DNASE2B: variants seen among roughly 807,000 people sequenced by gnomAD.
DNASE2B encodes deoxyribonuclease 2 beta.
A neutral mutation model predicts 46.0 loss-of-function variants in DNASE2B; 43 were observed. The observed-to-expected ratio is 0.94, with a 90% CI of 0.73 to 1.21. The LOEUF is 1.21. Ranked by LOEUF, DNASE2B falls within the 50% of genes most tolerant of loss-of-function variation. DNASE2B has a pLI of 0.00. For missense variants in DNASE2B, 395 were observed against 414.4 expected, an observed-to-expected ratio of 0.95 and a Z score of 0.41; for synonymous variants, 156 against 152.5, an observed-to-expected ratio of 1.02 and a Z score of -0.17.
Position 84,408,431 on chromosome 1 carries a change from C to T in DNASE2B, c.304-6C>T, listed in dbSNP as rs187661721. 122 of 1,603,740 alleles carry T rather than the reference C, an allele frequency of 7.6e-5. No individual in the cohort carries two copies. The African/African-American group carries it at 1.4e-3, about 19-fold the overall frequency. On this transcript the variant is annotated splice_polypyrimidine_tract_variant and splice_region_variant and intron_variant, in intron 2 of 5. Coordinates refer to ENST00000370665, the MANE Select transcript of DNASE2B (RefSeq NM_021233.3). The stretch of plus-strand genomic sequence containing the variant: ...ACGCCATTATAACCCTAATATATTC[C>T]TGCAGAGTAACAACACAGCCTATCT...
At chr1:84,398,829 G>T (rs936296088) in intron 1 of DNASE2B, 140 bp downstream of exon 1, 1 of 1,312,896 alleles carries the variant, frequency 7.6e-7, no homozygotes, top group Admixed American at 2.7e-5. Flanking sequence ...TGTGCAAATC[G>T]GCCAAACTCC....
chr1:84,414,484 A>T, intron 5 of DNASE2B, 44 bp from the exon 6 acceptor site: 1 of 1,505,498 alleles, frequency 6.6e-7, no homozygotes, highest in South Asian at 1.3e-5. Context: ...GACTAATCTA[A>T]GTGTAAATAC....
At chr1:84,406,016 TCTAA>T (rs1680486348) in intron 2 of DNASE2B, among the ~76,000 whole-genome samples, 1 of 152,132 alleles carries the variant, frequency 6.6e-6, no homozygotes, top group African/African-American at 2.4e-5. Flanking sequence ...TCATAATGTA[TCTAA>T]CTTTTTCTTA....
intron 2 of DNASE2B, 157 bp from the exon 3 acceptor site, chr1:84,408,280 C>T (rs1346936010): frequency 1.1e-5 from 13 of 1,192,756 alleles, no homozygotes; most frequent in Non-Finnish European, 1.1e-5. Flanking sequence ...ATGTCACAGG[C>T]TTCATATTGA....
At chr1:84,407,195 C>T (rs1042238734) in intron 2 of DNASE2B, among the ~76,000 whole-genome samples, 2 of 152,104 alleles carry the variant, frequency 1.3e-5, no homozygotes, top group Non-Finnish European at 2.9e-5. Flanking sequence ...TCAGTTAGAA[C>T]AATAAACTTC....
intron 2 of DNASE2B, among the ~76,000 whole-genome samples, chr1:84,407,732 G>A (rs564464086): frequency 6.6e-6 from 1 of 151,902 alleles, no homozygotes; most frequent in East Asian, 1.9e-4. Context: ...CGAAATAATA[G>A]CTTTATTTTG....
At chr1:84,403,260 T>G (rs1024032982) in intron 2 of DNASE2B, among the ~76,000 whole-genome samples, 33 of 152,206 alleles carry the variant, frequency 2.2e-4, no homozygotes, top group African/African-American at 7.2e-4. Flanking sequence ...TCCTAAAAAT[T>G]TATCTACTAA....
At chr1:84,408,284 A>C in intron 2 of DNASE2B, 153 bp from the exon 3 acceptor site, 3 of 1,220,538 alleles carry the variant, frequency 2.5e-6, no homozygotes, top group Non-Finnish European at 3.2e-6. Context: ...CACAGGCTTC[A>C]TATTGATGGG....
At chr1:84,410,469 CAGTG>C (rs756415113) in intron 3 of DNASE2B, among the ~76,000 whole-genome samples, 53 of 152,336 alleles carry the variant, frequency 3.5e-4, no homozygotes, top group Middle Eastern at 3.4e-3. Flanking sequence ...AGCTGCTTAG[CAGTG>C]AAGACACTAT....
chr1:84,407,020 ACTC>A (rs1680503083), intron 2 of DNASE2B, among the ~76,000 whole-genome samples: 1 of 152,154 alleles, frequency 6.6e-6, no homozygotes, highest in Non-Finnish European at 1.5e-5. Context: ...CTTGTTCAAC[ACTC>A]AATAGTCAAA....
At chr1:84,411,307 G>A (rs75450182) in intron 4 of DNASE2B, among the ~76,000 whole-genome samples, 3,651 of 152,110 alleles carry the variant, frequency 0.024, 64 homozygotes, top group Non-Finnish European at 0.028. Flanking sequence ...TGATGAACTG[G>A]GGTGTTGACT....
chr1:84,404,919 C>T (rs1366156609), intron 2 of DNASE2B, among the ~76,000 whole-genome samples: 1 of 152,174 alleles, frequency 6.6e-6, no homozygotes, highest in African/African-American at 2.4e-5. Context: ...CCCTTCCTGC[C>T]TTAAATCCTG....
At chr1:84,408,393 A>T in intron 2 of DNASE2B, 44 bp from the exon 3 acceptor site, 1 of 1,566,578 alleles carries the variant, frequency 6.4e-7, no homozygotes, top group South Asian at 1.2e-5. Flanking sequence ...GGGCGTTTGT[A>T]AGTGGAAGAT....
intron 4 of DNASE2B, 97 bp downstream of exon 4, chr1:84,411,096 T>C (rs1680583774): frequency 1.5e-6 from 2 of 1,360,600 alleles, no homozygotes; most frequent in Admixed American, 4.3e-5. Flanking sequence ...GTTAATCTAT[T>C]CATAGACCCT....
At position 84,402,029 on chromosome 1, in the gene DNASE2B, G is replaced by T; in HGVS notation, c.254G>T (p.Ser85Ile). 1.9e-6 allele frequency: 3 copies of T among 1,610,596 alleles called. No individual in the cohort carries two copies. Among genetic ancestry groups the T allele is most frequent in the Non-Finnish European group, 2.5e-6 (3 of 1,178,644 alleles). Residue 85 changes from serine to isoleucine, a missense_variant, in exon 2 of 6, where the codon AGT becomes ATT. Physicochemically the swap from Ser to Ile is moderately radical, Grantham distance 142. Transcript: ENST00000370665. ...KSEQLMNDTK[S>I]VLGRTLQQLY... ...GAGCAACTAATGAATGACACCAAGA[G>T]TGTTTTGGGAAGGACATTACAACAG...
In DNASE2B at chr1:84,402,067, T is replaced by C. The variant is rs1351843617; in HGVS notation, c.292T>C (p.Tyr98His). The C allele has an allele frequency of 1.2e-6, 2 of 1,604,676 alleles. No individual in the cohort carries two copies. Among genetic ancestry groups the C allele is most frequent in the Non-Finnish European group, 1.7e-6 (2 of 1,177,306 alleles). The change falls in exon 2 of 6, where the codon TAT (tyrosine) becomes CAT (histidine). Residue 98 changes from tyrosine (Y) to histidine (H), a missense_variant. Coordinates refer to ENST00000370665, the MANE Select transcript of DNASE2B (RefSeq NM_021233.3). Reference sequence around the variant, plus strand: ...GACATTACAACAGCTATATGAAGCATATGCCTCTAAGGTATGTTATATAGT... The same window carrying C: ...GACATTACAACAGCTATATGAAGCACATGCCTCTAAGGTATGTTATATAGT... The part of the protein sequence containing the change: ...GRTLQQLYEA[Y>H]ASKSNNTAYL...
At chr1:84,410,767 G>A (rs2101852578) in intron 3 of DNASE2B, 71 bp from the exon 4 acceptor site, 1 of 1,455,938 alleles carries the variant, frequency 6.9e-7, no homozygotes, top group South Asian at 1.3e-5. Context: ...CTTAAATGTT[G>A]CCACTGTGAA....
rs41293025 is a variant in DNASE2B at position 84,401,886 on chromosome 1, C to G, written c.126-15C>G. On this transcript the variant is annotated splice_polypyrimidine_tract_variant and intron_variant, in intron 1 of 5. Transcript: ENST00000370665. ...TCAATAAATGTTAGTAATTCATAAT[C>G]ATTTTGTCTGTTAGGTTTACTTTTT... 34,199 of 1,473,062 alleles carry G rather than the reference C, an allele frequency of 0.023. 487 individuals carry two copies. Among genetic ancestry groups the G allele is most frequent in the Non-Finnish European group, 0.025 (28,006 of 1,113,124 alleles). 91.2% of individuals were successfully genotyped at this position (1,473,062 alleles called of 1,614,324 possible). A position where few individuals can be genotyped will look rare whatever the true frequency, so the allele number is the denominator to read the frequency against.
rs71097845 is a variant in DNASE2B, at chr1:84,411,425, GGTGTGTGTGTGTGTGTGTGTGTGTGTGT to G, written c.547+457_547+484del. Among the ~76,000 whole-genome samples the G allele has an allele frequency of 4.2e-3, 584 of 139,312 alleles. 4 individuals carry two copies. The highest frequency in any genetic ancestry group is 4.9e-3 in the Admixed American group (68 of 13,826). 91.4% of individuals were successfully genotyped at this position (139,312 alleles called of 152,430 possible). On this transcript the variant is annotated intron_variant, in intron 4 of 5. Transcript: ENST00000370665. ...TTCTCATGAAGTACCAGAAACCTAGGGTGTGTGTGTGTGTGTGTGTGTGTGTGTGTGTGTGTGTGTGTGTGTGTGTGTG... is the reference window on the plus strand; with the variant it reads ...TTCTCATGAAGTACCAGAAACCTAGGGTGTGTGTGTGTGTGTGTGTGTGTG...
Sources: allele counts gnomAD v4.1 joint callset (sites outside exome capture counted in the v4.1 genomes callset), GRCh38; gene constraint gnomAD v4.1.1; transcripts MANE v1.5; gene names NCBI Gene and HGNC (gene_info 2026-07-23, HGNC 2026-07-21).